PPFIA2: variants seen among roughly 807,000 people sequenced by gnomAD.
PPFIA2 encodes the protein liprin-alpha-2.
In PPFIA2, 46 loss-of-function variants were observed where a neutral mutation model predicts 175.5. The ratio of observed to expected loss-of-function variants is 0.26; its 90% CI spans 0.21 to 0.34. The LOEUF (loss-of-function observed/expected upper bound fraction) is 0.34, where lower values mean the gene tolerates loss of function less well. Ranked by LOEUF, PPFIA2 falls within the 10% of genes least tolerant of loss-of-function variation. PPFIA2 has a pLI of 1.00. For synonymous variants in PPFIA2, 568 were observed against 511.4 expected, an observed-to-expected ratio of 1.11 and a Z score of -1.49; for missense variants, 1,179 against 1,506.1, an observed-to-expected ratio of 0.78 and a Z score of 3.60.
At chr12:81,280,600 TG>T (rs2041861527) in intron 27 of PPFIA2, among the ~76,000 whole-genome samples, 1 of 152,068 alleles carries the variant, frequency 6.6e-6, no homozygotes, top group African/African-American at 2.4e-5. Context: ...CAGCTGACAT[TG>T]CTTCACCTAA....
intron 4 of PPFIA2, among the ~76,000 whole-genome samples, chr12:81,539,535 A>G (rs1201193643): frequency 1.3e-5 from 2 of 151,870 alleles, no homozygotes; most frequent in Non-Finnish European, 2.9e-5. Context: ...AGAAATGCAA[A>G]CCTCTTACCC....
At chr12:81,491,956 A>C (rs2059462771) in intron 4 of PPFIA2, among the ~76,000 whole-genome samples, 1 of 151,936 alleles carries the variant, frequency 6.6e-6, no homozygotes, top group Non-Finnish European at 1.5e-5. Flanking sequence ...TTCACCCTTC[A>C]ATGTTTCTAA....
Position 81,595,906 on chromosome 12 carries a change from TAGA to T in PPFIA2, c.303+80882_303+80884del, listed in dbSNP as rs547527529. On this transcript the variant is annotated intron_variant, in intron 4 of 32. Coordinates refer to ENST00000549396, the MANE Select transcript of PPFIA2 (RefSeq NM_003625.5). ...TATTTGCATATGTTAACTCCTGTGCTAGAATTATTTTAAGGAAGTAAGCATTAA... is the reference window on the plus strand; with the variant it reads ...TATTTGCATATGTTAACTCCTGTGCTATTATTTTAAGGAAGTAAGCATTAA... 4.5e-3 allele frequency among the ~76,000 whole-genome samples: 689 copies of T among 152,308 alleles called. 10 individuals are homozygous for T. Among genetic ancestry groups the T allele is most frequent in the African/African-American group, 0.016 (649 of 41,578 alleles).
intron 22 of PPFIA2, among the ~76,000 whole-genome samples, chr12:81,306,062 T>A (rs1471101617): frequency 6.6e-6 from 1 of 152,198 alleles, no homozygotes; most frequent in Admixed American, 6.5e-5. Flanking sequence ...CCTCTGTCAC[T>A]CATGATGGCC....
rs555004036 is a variant in PPFIA2, at chr12:81,706,866, G to A, written c.250-30022C>T. On this transcript the variant is annotated intron_variant, in intron 3 of 32. Transcript: ENST00000549396. ...GAACAGAGCCCTCAGAAATAACACCGCATATCTACAACTATCTGATCTTTG... is the reference window on the plus strand; with the variant it reads ...GAACAGAGCCCTCAGAAATAACACCACATATCTACAACTATCTGATCTTTG... Among the ~76,000 whole-genome samples the A allele has an allele frequency of 2.0e-3, 305 of 152,174 alleles. 1 individual carries two copies. The highest frequency in any genetic ancestry group is 0.01 in the Middle Eastern group (3 of 294).
intron 28 of PPFIA2, among the ~76,000 whole-genome samples, chr12:81,276,438 A>G (rs141178925): frequency 1.5e-3 from 231 of 152,276 alleles, no homozygotes; most frequent in African/African-American, 5.2e-3. Flanking sequence ...ACCTTTACCT[A>G]TATCTTTTTC....
At chr12:81,408,121 TA>T (rs927309422) in intron 7 of PPFIA2, among the ~76,000 whole-genome samples, 8 of 151,830 alleles carry the variant, frequency 5.3e-5, no homozygotes, top group Admixed American at 1.3e-4. Context: ...ATTTGGAGTG[TA>T]AAAAAAACTT....
In PPFIA2 at chr12:81,379,214, AAAGAGG is replaced by A. The variant is rs1231459312; in HGVS notation, c.985-3278_985-3273del. Among the ~76,000 whole-genome samples, 28 of 152,262 alleles carry A rather than the reference AAAGAGG, an allele frequency of 1.8e-4. 1 individual carries two copies. Among genetic ancestry groups the A allele is most frequent in the Non-Finnish European group, 2.9e-5 (2 of 68,022 alleles). The stretch of plus-strand genomic sequence containing the variant: ...TCCCTCTGTCATTTGAAAAATTCTG[AAAGAGG>A]AAGCTTTTTCTAGTCCCTAAAACTT... On this transcript the variant is annotated intron_variant, in intron 9 of 32. Coordinates refer to ENST00000549396, the MANE Select transcript of PPFIA2 (RefSeq NM_003625.5).
At chr12:81,672,990 A>G (rs994976587) in intron 4 of PPFIA2, among the ~76,000 whole-genome samples, 6 of 152,020 alleles carry the variant, frequency 3.9e-5, no homozygotes, top group African/African-American at 1.4e-4. Context: ...AATTGCAAAG[A>G]GAAACACCTT....
intron 3 of PPFIA2, among the ~76,000 whole-genome samples, chr12:81,703,782 T>A (rs191136069): frequency 6.6e-6 from 1 of 152,102 alleles, no homozygotes; most frequent in Non-Finnish European, 1.5e-5. Context: ...ATCTTCCTAA[T>A]GCCACTGTGT....
chr12:81,450,469 A>T (rs1020978548), intron 5 of PPFIA2, among the ~76,000 whole-genome samples: 4 of 152,038 alleles, frequency 2.6e-5, no homozygotes, highest in Admixed American at 6.6e-5. Context: ...TCCTTCGCCC[A>T]CTTTTTGATA....
At chr12:81,698,420 G>A (rs1003894740) in intron 3 of PPFIA2, among the ~76,000 whole-genome samples, 1 of 152,030 alleles carries the variant, frequency 6.6e-6, no homozygotes, top group Non-Finnish European at 1.5e-5. Flanking sequence ...AGATGACACA[G>A]CAAGAAGGCC....
At chr12:81,304,045 T>A (rs769633488) in intron 22 of PPFIA2, among the ~76,000 whole-genome samples, 2 of 152,194 alleles carry the variant, frequency 1.3e-5, no homozygotes, top group Non-Finnish European at 2.9e-5. Context: ...TGCCATCACA[T>A]GCCTCCCTGC....
chr12:81,519,351 T>C (rs2062836738), intron 4 of PPFIA2, among the ~76,000 whole-genome samples: 1 of 152,216 alleles, frequency 6.6e-6, no homozygotes, highest in Non-Finnish European at 1.5e-5. Context: ...CTAATTTTAA[T>C]GCTGTCTTTC....
At position 81,341,227 on chromosome 12, in the gene PPFIA2, C is replaced by T. The variant is rs1162476810; in HGVS notation, c.2263-19G>A. On this transcript the variant is annotated intron_variant, in intron 19 of 32. Transcript: ENST00000549396. Reference sequence around the variant, plus strand: ...CTGCAATCTAGAAGCAAAAACAATACATTCAAATAAACCCTTTCTAAATTT... The same window carrying T: ...CTGCAATCTAGAAGCAAAAACAATATATTCAAATAAACCCTTTCTAAATTT... The T allele has an allele frequency of 3.1e-6, 5 of 1,607,470 alleles. No individual in the cohort carries two copies. Among genetic ancestry groups the T allele is most frequent in the South Asian group, 1.1e-5 (1 of 90,594 alleles).
chr12:81,278,663 G>A (rs1201759412), intron 27 of PPFIA2, among the ~76,000 whole-genome samples: 3 of 152,124 alleles, frequency 2.0e-5, no homozygotes, highest in East Asian at 1.9e-4. Context: ...CCAAAATAGG[G>A]ACAACAGCCA....
In PPFIA2 at chr12:81,462,985, C is replaced by A. The variant is rs11114866; in HGVS notation, c.304-5119G>T. The stretch of plus-strand genomic sequence containing the variant: ...GCTTAAAGTGAAAGTATGTGTTTAA[C>A]TAATATGGTATTTCTCTAGTCTAGC... On this transcript the variant is annotated intron_variant, in intron 4 of 32. Coordinates refer to ENST00000549396, the MANE Select transcript of PPFIA2 (RefSeq NM_003625.5). 2.0e-5 allele frequency among the ~76,000 whole-genome samples: 3 copies of A among 152,074 alleles called. No homozygotes were observed. The East Asian group carries it at 5.8e-4, about 29-fold the overall frequency.
intron 4 of PPFIA2, among the ~76,000 whole-genome samples, chr12:81,661,694 C>A (rs1255342357): frequency 6.6e-6 from 1 of 152,148 alleles, no homozygotes; most frequent in Admixed American, 6.5e-5. Context: ...CTGCACCAAG[C>A]AGACCTAATA....
chr12:81,324,679 T>C (rs575187746), intron 22 of PPFIA2, among the ~76,000 whole-genome samples: 28 of 152,124 alleles, frequency 1.8e-4, no homozygotes, highest in African/African-American at 6.3e-4. Context: ...AATATTTAAA[T>C]ATATTTTTGA....
Sources: gnomAD v4.1 joint callset for allele counts (sites outside exome capture counted in the v4.1 genomes callset) on GRCh38, gnomAD v4.1.1 for gene constraint, MANE v1.5 for transcripts, NCBI Gene and HGNC (gene_info 2026-07-23, HGNC 2026-07-21) for gene names.